MRPS27: variants seen among roughly 807,000 people sequenced by gnomAD.
MRPS27 encodes the protein mitochondrial ribosomal protein S27, also known as small ribosomal subunit protein mS27.
MRPS27 carries 43 observed loss-of-function variants against 48.9 expected under a neutral mutation model. The observed-to-expected ratio is 0.88, with a 90% CI of 0.69 to 1.13. The LOEUF (loss-of-function observed/expected upper bound fraction) is 1.13, where lower values mean the gene tolerates loss of function less well. Ranked by LOEUF, MRPS27 falls within the 50% of genes most tolerant of loss-of-function variation. The pLI, the probability that MRPS27 is intolerant of heterozygous loss-of-function variation, is 0.00. For synonymous variants in MRPS27, 188 were observed against 171.9 expected (o/e 1.09, Z -0.73); for missense variants, 467 against 476.3 (o/e 0.98, Z 0.18).
At chr5:72,290,735 G>T (rs1749795645) in intron 4 of MRPS27, among the ~76,000 whole-genome samples, 1 of 152,110 alleles carries the variant, frequency 6.6e-6, no homozygotes, top group African/African-American at 2.4e-5. Flanking sequence ...TTAATCCTTT[G>T]CCCAGAAAAA....
At position 72,219,955 on chromosome 5, in the gene MRPS27, A is replaced by C. The variant is rs554244903; in HGVS notation, c.*954T>G. On this transcript the variant is annotated 3_prime_UTR_variant, in exon 11 of 11. Transcript: ENST00000261413. The stretch of plus-strand genomic sequence containing the variant: ...TGCTAGAGCTAGCTTTCTCCTCAGA[A>C]ACTTACATCCTAAAAACATCCCTAT... 1 of 152,788 alleles carries C rather than the reference A, an allele frequency of 6.5e-6. No individual in the cohort carries two copies. The highest frequency in any genetic ancestry group is 1.5e-5 in the Non-Finnish European group (1 of 68,030). The allele number at this position is 152,788 out of a possible 1,614,324, so 9.5% of individuals were successfully genotyped here. A position where few individuals can be genotyped will look rare whatever the true frequency, so the allele number is the denominator to read the frequency against.
At chr5:72,225,379 G>C (rs1428864182) in intron 9 of MRPS27, among the ~76,000 whole-genome samples, 2 of 152,158 alleles carry the variant, frequency 1.3e-5, no homozygotes, top group African/African-American at 4.8e-5. Context: ...TCCTTCTCAG[G>C]ACTCACACTG....
intron 4 of MRPS27, among the ~76,000 whole-genome samples, chr5:72,283,681 T>A (rs1274581006): frequency 6.6e-6 from 1 of 152,044 alleles, no homozygotes; most frequent in Non-Finnish European, 1.5e-5. Context: ...CCAAGTATGG[T>A]CAAGTAGGCA....
At chr5:72,287,490 T>G (rs1242096380) in intron 4 of MRPS27, among the ~76,000 whole-genome samples, 4 of 151,970 alleles carry the variant, frequency 2.6e-5, no homozygotes, top group Admixed American at 6.6e-5. Flanking sequence ...AACACAAAAA[T>G]TAGCCAGGCG....
intron 7 of MRPS27, 197 bp from the exon 8 acceptor site, chr5:72,228,565 C>T (rs575670903): frequency 1.4e-5 from 6 of 417,716 alleles, no homozygotes; most frequent in South Asian, 8.3e-5. Flanking sequence ...GAAAGAAATA[C>T]CCTATATGTT....
At chr5:72,276,439 T>C (rs1311413634) in intron 4 of MRPS27, among the ~76,000 whole-genome samples, 1 of 152,128 alleles carries the variant, frequency 6.6e-6, no homozygotes, top group Non-Finnish European at 1.5e-5. Flanking sequence ...GATTCAAATG[T>C]AAAATCTAAA....
chr5:72,306,281 A>AT (rs1750265638), intron 2 of MRPS27, among the ~76,000 whole-genome samples: 1 of 152,258 alleles, frequency 6.6e-6, no homozygotes, highest in Admixed American at 6.5e-5. Context: ...TTCAAATGAA[A>AT]TAACAAATCT....
chr5:72,263,812 C>T (rs546871113), intron 4 of MRPS27, among the ~76,000 whole-genome samples: 1 of 152,154 alleles, frequency 6.6e-6, no homozygotes, highest in South Asian at 2.1e-4. Flanking sequence ...AATGGTGCAG[C>T]TGGCCACTAT....
chr5:72,280,431 A>G lies in MRPS27; in HGVS notation c.281+15100T>C, dbSNP rs919872292. 3.3e-5 allele frequency among the ~76,000 whole-genome samples: 5 copies of G among 152,222 alleles called. No homozygotes were observed. The South Asian group carries it at 6.2e-4, about 19-fold the overall frequency. On this transcript the variant is annotated intron_variant, in intron 4 of 10. Coordinates refer to ENST00000261413, the MANE Select transcript of MRPS27 (RefSeq NM_015084.3). ...ATTTTTTTTAAAAAAAGAATATGTAATTACTTTTTCCATAAACAAGAAATG... is the reference window on the plus strand; with the variant it reads ...ATTTTTTTTAAAAAAAGAATATGTAGTTACTTTTTCCATAAACAAGAAATG...
At chr5:72,273,196 CA>C (rs1338513141) in intron 4 of MRPS27, among the ~76,000 whole-genome samples, 1 of 152,082 alleles carries the variant, frequency 6.6e-6, no homozygotes, top group Non-Finnish European at 1.5e-5. Flanking sequence ...TTACCTGGCC[CA>C]AGTAAATATA....
At chr5:72,303,882 CAAAAAAAA>C (rs397818748) in intron 2 of MRPS27, among the ~76,000 whole-genome samples, 1 of 69,162 alleles carries the variant, frequency 1.4e-5, no homozygotes, top group Admixed American at 1.9e-4. Flanking sequence ...GACCTCATCT[CAAAAAAAA>C]AAAAAAAAAA....
chr5:72,306,772 A>G (rs1750278945), intron 2 of MRPS27, among the ~76,000 whole-genome samples: 1 of 152,342 alleles, frequency 6.6e-6, no homozygotes, highest in East Asian at 1.9e-4. Flanking sequence ...CTTATCTTTT[A>G]GAGGTACATA....
intron 10 of MRPS27, 34 bp from the exon 11 acceptor site, chr5:72,221,182 G>C: frequency 1.9e-6 from 3 of 1,605,912 alleles, no homozygotes; most frequent in South Asian, 2.2e-5. Context: ...TGAGAAGAAA[G>C]GTAGAGAAGT....
intron 8 of MRPS27, among the ~76,000 whole-genome samples, chr5:72,226,670 T>C (rs1747908363): frequency 6.6e-6 from 1 of 151,718 alleles, no homozygotes; most frequent in Non-Finnish European, 1.5e-5. Context: ...TGTCATTTTT[T>C]GAAATCCTTC....
chr5:72,258,496 C>G (rs1748872654), intron 4 of MRPS27, among the ~76,000 whole-genome samples: 1 of 152,022 alleles, frequency 6.6e-6, no homozygotes, highest in Non-Finnish European at 1.5e-5. Context: ...AAACTTAACC[C>G]CCAGGACAAC....
At chr5:72,285,674 A>C (rs946062621) in intron 4 of MRPS27, among the ~76,000 whole-genome samples, 1 of 152,154 alleles carries the variant, frequency 6.6e-6, no homozygotes, top group Non-Finnish European at 1.5e-5. Context: ...GGCACACACC[A>C]CCATGACCAG....
chr5:72,254,999 A>C, intron 4 of MRPS27, among the ~76,000 whole-genome samples: 1 of 145,402 alleles, frequency 6.9e-6, no homozygotes, highest in East Asian at 2.0e-4. Context: ...AGCTTACCCT[A>C]CCACATCTAA....
At chr5:72,312,446 C>G (rs1266676809) in intron 2 of MRPS27, among the ~76,000 whole-genome samples, 3 of 151,578 alleles carry the variant, frequency 2.0e-5, no homozygotes, top group African/African-American at 7.3e-5. Flanking sequence ...CGCATCTCTA[C>G]CCATCTACAC....
intron 4 of MRPS27, among the ~76,000 whole-genome samples, chr5:72,267,511 A>G (rs2112011855): frequency 6.6e-6 from 1 of 152,372 alleles, no homozygotes; most frequent in East Asian, 1.9e-4. Flanking sequence ...GTATGAACAG[A>G]GAAAGACAAT....
Sources: gnomAD v4.1 joint callset for allele counts (sites outside exome capture counted in the v4.1 genomes callset) on GRCh38, gnomAD v4.1.1 for gene constraint, MANE v1.5 for transcripts, NCBI Gene and HGNC (gene_info 2026-07-23, HGNC 2026-07-21) for gene names.